Variants in DLL1 observed in about 807,000 individuals in gnomAD.
DLL1 encodes the protein delta like canonical Notch ligand 1.
Under a neutral mutation model 75.1 loss-of-function variants are expected in DLL1, and 9 were observed. That is an observed-to-expected ratio of 0.12 (90% CI 0.07 to 0.21). DLL1 has a LOEUF of 0.21. Ranked by LOEUF, DLL1 falls within the 10% of genes least tolerant of loss-of-function variation. The pLI, the probability that DLL1 is intolerant of heterozygous loss-of-function variation, is 1.00. For missense variants in DLL1, 837 were observed against 1,007.6 expected (o/e 0.83, Z 2.29); for synonymous variants, 477 against 418.3 (o/e 1.14, Z -1.71).
At chr6:170,287,874 G>A (rs1186190067) in intron 4 of DLL1, among the ~76,000 whole-genome samples, 1 of 152,180 alleles carries the variant, frequency 6.6e-6, no homozygotes, top group Non-Finnish European at 1.5e-5. Context: ...TGGTGCCCCT[G>A]ACACACAAGC....
chr6:170,286,741 G>A (rs975100640), intron 4 of DLL1, among the ~76,000 whole-genome samples: 1 of 151,968 alleles, frequency 6.6e-6, no homozygotes, highest in Non-Finnish European at 1.5e-5. Flanking sequence ...CTGCCCCAGC[G>A]CAACAATGCC....
At chr6:170,286,439 GA>G (rs1783695328) in intron 4 of DLL1, 141 bp from the exon 5 acceptor site, 1 of 1,027,042 alleles carries the variant, frequency 9.7e-7, no homozygotes. Flanking sequence ...GTGGAGGACT[GA>G]CCCCCCTGCC....
rs931663125 is a variant in DLL1 at position 170,288,619 on chromosome 6, T to C, written c.412+110A>G. The stretch of plus-strand genomic sequence containing the variant: ...CCAAGCTGCTCCACCCTGAACTTTC[T>C]GGGGCACGTGCAGAATGAAAGCTGT... On this transcript the variant is annotated intron_variant, in intron 3 of 10. Transcript: ENST00000366756. The C allele has an allele frequency of 2.2e-5, 35 of 1,608,392 alleles. No homozygotes were observed. The African/African-American group carries it at 4.7e-4, about 22-fold the overall frequency.
At chr6:170,285,755 G>T in intron 5 of DLL1, 56 bp from the exon 6 acceptor site, 1 of 1,610,336 alleles carries the variant, frequency 6.2e-7, no homozygotes, top group Non-Finnish European at 8.5e-7. Flanking sequence ...CTTTGCAGTG[G>T]ACATTCTCAC....
intron 8 of DLL1, among the ~76,000 whole-genome samples, chr6:170,284,682 G>C (rs1783655835): frequency 6.6e-6 from 1 of 152,226 alleles, no homozygotes; most frequent in Non-Finnish European, 1.5e-5. Flanking sequence ...GTGGCCCTGA[G>C]CAAGTCATTC....
chr6:170,289,361 C>G (rs1346650227), intron 2 of DLL1, 151 bp downstream of exon 2: 1 of 1,298,970 alleles, frequency 7.7e-7, no homozygotes, highest in Non-Finnish European at 1.1e-6. Context: ...GGCTGGAGTC[C>G]TGGGGCCGCC....
intron 9 of DLL1, 54 bp downstream of exon 9, chr6:170,283,177 C>G: frequency 6.2e-7 from 1 of 1,613,326 alleles, no homozygotes; most frequent in South Asian, 1.1e-5. Flanking sequence ...AGCAGTGGTT[C>G]CAGGAAGACA....
At chr6:170,285,180 A>G (rs1323373047) in intron 7 of DLL1, 45 bp from the exon 8 acceptor site, 2 of 1,613,732 alleles carry the variant, frequency 1.2e-6, no homozygotes, top group Non-Finnish European at 1.7e-6. Context: ...AGTTGCTCCA[A>G]GGAGCCCACA....
At chr6:170,288,895 G>T in intron 2 of DLL1, 106 bp from the exon 3 acceptor site, 1 of 1,268,740 alleles carries the variant, frequency 7.9e-7, no homozygotes, top group Non-Finnish European at 1.1e-6. Context: ...AGGCCTGAAG[G>T]CTGCAGGTCT....
At position 170,285,682 on chromosome 6, in the gene DLL1, T is replaced by C. The variant is rs1181787899; in HGVS notation, c.749A>G (p.Gln250Arg). Residue 250 changes from glutamine (Q) to arginine (R), a missense_variant, in exon 6 of 11, where the codon CAG becomes CGG. By Grantham distance (43) the Gln-to-Arg change is conservative. Transcript: ENST00000366756. ...GATACACTCGTCACAGTACCGGCCCTGCCAGCCCACTCTGCACCTTGGAGA... is the reference window on the plus strand; with the variant it reads ...GATACACTCGTCACAGTACCGGCCCCGCCAGCCCACTCTGCACCTTGGAGA... ...PGECKCRVGW[Q>R]GRYCDECIRY... The C allele has an allele frequency of 1.2e-6, 2 of 1,613,996 alleles. No homozygotes were observed. Among genetic ancestry groups the C allele is most frequent in the Non-Finnish European group, 1.7e-6 (2 of 1,180,046 alleles).
rs936729573 is a variant in DLL1 at position 170,282,472 on chromosome 6, T to C, written c.*402A>G. On this transcript the variant is annotated 3_prime_UTR_variant, in exon 11 of 11. Transcript: ENST00000366756. ...CAAAAAATAACACACATCTTTTCCA[T>C]CTAGAAAAAGCACATCTTCGTATCA... The C allele has an allele frequency of 3.6e-6, 1 of 280,048 alleles. No individual in the cohort carries two copies. The highest frequency in any genetic ancestry group is 7.3e-5 in the East Asian group (1 of 13,700). 17.3% of individuals were successfully genotyped at this position (280,048 alleles called of 1,614,324 possible).
At chr6:170,284,491 G>A (rs917149230) in intron 8 of DLL1, among the ~76,000 whole-genome samples, 7 of 152,232 alleles carry the variant, frequency 4.6e-5, no homozygotes, top group Non-Finnish European at 1.0e-4. Flanking sequence ...CTTGCTGTGT[G>A]TCTCCTTTGG....
At chr6:170,285,786 A>G in intron 5 of DLL1, 87 bp from the exon 6 acceptor site, 3 of 1,565,262 alleles carry the variant, frequency 1.9e-6, no homozygotes, top group Non-Finnish European at 1.8e-6. Flanking sequence ...ATCTTCCCGC[A>G]GCACCAGTGA....
chr6:170,284,166 G>GA, intron 8 of DLL1, 137 bp from the exon 9 acceptor site: 2 of 1,155,872 alleles, frequency 1.7e-6, no homozygotes, highest in Non-Finnish European at 2.5e-6. Flanking sequence ...TGAGTCCACA[G>GA]CGCAAGGTGA....
Position 170,284,008 on chromosome 6 carries a change from C to T in DLL1, c.1271G>A (p.Gly424Asp). 1 of 1,577,800 alleles carries T rather than the reference C, an allele frequency of 6.3e-7. No homozygotes were observed. The highest frequency in any genetic ancestry group is 8.6e-7 in the Non-Finnish European group (1 of 1,168,662). The part of the protein sequence containing the change: ...CSNGAKCVDL[G>D]DAYLCRCQAG... Reference sequence around the variant, plus strand: ...CTGGCAGCGGCACAGGTAGGCATCACCGAGGTCCACACACTTGGCACCTGG... The same window carrying T: ...CTGGCAGCGGCACAGGTAGGCATCATCGAGGTCCACACACTTGGCACCTGG... Residue 424 changes from glycine (G) to aspartate (D), a missense_variant, in exon 9 of 11, where the codon GGT (glycine) becomes GAT (aspartate). Gly to Asp is a moderately conservative substitution (Grantham distance 94). Around this residue, in one of 2 missense-constraint regions of DLL1, gnomAD observed 533 missense variants for 545.7 expected, o/e 0.98. Coordinates refer to ENST00000366756, the MANE Select transcript of DLL1 (RefSeq NM_005618.4).
In DLL1 at chr6:170,291,039, T is replaced by C. The variant is rs1447193953; in HGVS notation, c.-900A>G. 4 of 699,546 alleles carry C rather than the reference T, an allele frequency of 5.7e-6. No individual in the cohort carries two copies. Among genetic ancestry groups the C allele is most frequent in the South Asian group, 4.4e-5 (3 of 67,570 alleles). 43.3% of individuals were successfully genotyped at this position (699,546 alleles called of 1,614,324 possible). ...CGAGAGCTGTCACAAAGGAGCCACT[T>C]TTCCAAACCCTCCTCTCAATGGATC... On this transcript the variant is annotated 5_prime_UTR_variant, in exon 1 of 11. Coordinates refer to ENST00000366756, the MANE Select transcript of DLL1 (RefSeq NM_005618.4).
At position 170,286,316 on chromosome 6, in the gene DLL1, A is replaced by G. The variant is rs1158983784; in HGVS notation, c.671-18T>C. 6.2e-7 allele frequency: 1 copy of G among 1,614,154 alleles called. No homozygotes were observed. The highest frequency in any genetic ancestry group is 1.7e-5 in the Admixed American group (1 of 60,026). On this transcript the variant is annotated intron_variant, in intron 4 of 10. Transcript: ENST00000366756. Reference sequence around the variant, plus strand: ...GCAGATCGCTACAAGCAAAGGAAAAACAGGGTCAAGCCCCACGCCAAGTAC... The same window carrying G: ...GCAGATCGCTACAAGCAAAGGAAAAGCAGGGTCAAGCCCCACGCCAAGTAC...
Position 170,282,878 on chromosome 6 carries a change from A to C in DLL1, c.2168T>G (p.Val723Gly). 6.2e-7 allele frequency: 1 copy of C among 1,614,094 alleles called. No individual in the cohort carries two copies. The highest frequency in any genetic ancestry group is 8.5e-7 in the Non-Finnish European group (1 of 1,180,032). ...TCTTGCCATCTCACTTCCATTTTAC[A>C]CCTGGGGGGCCACAAGACAAATGGG... ...EKDECVIATE[V>G] The change falls in exon 11 of 11, where the codon GTG (valine) becomes GGG (glycine). Residue 723 changes from valine (V) to glycine (G), a missense_variant and splice_region_variant. This residue lies in a region of DLL1 where 533 missense variants were observed against 545.7 expected (regional missense o/e 0.98). Coordinates refer to ENST00000366756, the MANE Select transcript of DLL1 (RefSeq NM_005618.4).
rs1233633411 is a variant in DLL1 at position 170,290,924 on chromosome 6, G to A, written c.-785C>T. On this transcript the variant is annotated 5_prime_UTR_variant, in exon 1 of 11. Coordinates refer to ENST00000366756, the MANE Select transcript of DLL1 (RefSeq NM_005618.4). The surrounding 1 kb of genome is among the most constrained non-coding windows in gnomAD (Gnocchi z 4.7). Reference sequence around the variant, plus strand: ...CGGGTCTCCGCGGGTGCGCGCAGAGGATCTGGCTCTCGCCGGCGCCTGCCG... The same window carrying A: ...CGGGTCTCCGCGGGTGCGCGCAGAGAATCTGGCTCTCGCCGGCGCCTGCCG... 2.2e-5 allele frequency: 15 copies of A among 697,320 alleles called. No homozygotes were observed. Among genetic ancestry groups the A allele is most frequent in the Middle Eastern group, 2.8e-4 (1 of 3,534 alleles). The allele number at this position is 697,320 out of a possible 1,614,324, so 43.2% of individuals were successfully genotyped here. A position where few individuals can be genotyped will look rare whatever the true frequency, so the allele number is the denominator to read the frequency against.
Sources: gnomAD v4.1 joint callset for allele counts (sites outside exome capture counted in the v4.1 genomes callset) on GRCh38, gnomAD v4.1.1 for gene constraint, gnomAD v4.1.1 regional missense constraint, Gnocchi (gnomAD v3.1) non-coding constraint, MANE v1.5 for transcripts, NCBI Gene and HGNC (gene_info 2026-07-23, HGNC 2026-07-21) for gene names.